FOCAD: variants seen among roughly 807,000 people sequenced by gnomAD.
FOCAD encodes KIAA1797.
Under a neutral mutation model 225.6 loss-of-function variants are expected in FOCAD, and 198 were observed. That is an observed-to-expected ratio of 0.88 (90% CI 0.78 to 0.99). FOCAD has a LOEUF of 0.99. FOCAD is among the 50% of genes least tolerant of loss of function. The pLI is 0.00. For synonymous variants in FOCAD, 897 were observed against 755.0 expected (o/e 1.19, Z -3.08); for missense variants, 2,713 against 2,123.6 (o/e 1.28, Z -5.46).
chr9:20,921,195 C>T lies in FOCAD; in HGVS notation c.2853-2465C>T, dbSNP rs182886385. 1.1e-4 allele frequency among the ~76,000 whole-genome samples: 17 copies of T among 152,226 alleles called. No individual in the cohort carries two copies. In the East Asian group the frequency reaches 2.7e-3, roughly 24 times the overall value. On this transcript the variant is annotated intron_variant, in intron 24 of 43. Coordinates refer to ENST00000338382, the MANE Select transcript of FOCAD (RefSeq NM_001375567.1). Reference sequence around the variant, plus strand: ...CAGATTTAAACCTGAAGATAAAAATCACTGAAGTATTGAGTCACTTTACTA... The same window carrying T: ...CAGATTTAAACCTGAAGATAAAAATTACTGAAGTATTGAGTCACTTTACTA...
rs1294697454 is a variant in FOCAD, at chr9:20,981,371, C to T, written c.4378-55C>T. 27 of 1,580,832 alleles carry T rather than the reference C, an allele frequency of 1.7e-5. No individual in the cohort carries two copies. In the South Asian group the frequency reaches 2.6e-4, roughly 15 times the overall value. On this transcript the variant is annotated intron_variant, in intron 37 of 43. Transcript: ENST00000338382. ...ACAGTGATGATGTACAGGTTTTGAA[C>T]ATTGCAAACCCAGACTTGCCTATTT...
intron 2 of FOCAD, among the ~76,000 whole-genome samples, chr9:20,671,848 G>A (rs1022672976): frequency 4.6e-5 from 7 of 152,148 alleles, no homozygotes; most frequent in African/African-American, 1.2e-4. Flanking sequence ...GAGTGCTGCC[G>A]CTGGCTTGTA....
intron 1 of FOCAD, among the ~76,000 whole-genome samples, chr9:20,700,839 A>G (rs10964665): frequency 0.49 from 74,402 of 152,092 alleles, 18,563 homozygotes; most frequent in Non-Finnish European, 0.52. Flanking sequence ...GCTAAACACA[A>G]TAATTCAGCA....
rs575688523 is a variant in FOCAD at position 20,735,346 on chromosome 9, T to TTTTTTCAAATTG, written c.288-4890_288-4889insTTTTTCAAATTG. On this transcript the variant is annotated intron_variant, in intron 4 of 43. Coordinates refer to ENST00000338382, the MANE Select transcript of FOCAD (RefSeq NM_001375567.1). ...TTTTTTACATTTTTTCTCCATAAAT[T>TTTTTTCAAATTG]CTTTCAAAGCAATTGCTTTAATCTT... Among the ~76,000 whole-genome samples, 779 of 152,338 alleles carry TTTTTTCAAATTG rather than the reference T, an allele frequency of 5.1e-3. 4 individuals carry two copies. The highest frequency in any genetic ancestry group is 7.2e-3 in the Non-Finnish European group (489 of 68,034).
chr9:20,785,118 C>A (rs541651227), intron 10 of FOCAD, among the ~76,000 whole-genome samples: 1 of 152,160 alleles, frequency 6.6e-6, no homozygotes, highest in African/African-American at 2.4e-5. Context: ...TTATCTCACA[C>A]TCTTTGAAGT....
chr9:20,932,753 A>G lies in FOCAD; in HGVS notation c.3318-261A>G, dbSNP rs187733197. ...TGGCTTAAAATTTGAACAGGCTAAGAAAAATCAAAAATAGGAGATTTTGTG... is the reference window on the plus strand; with the variant it reads ...TGGCTTAAAATTTGAACAGGCTAAGGAAAATCAAAAATAGGAGATTTTGTG... On this transcript the variant is annotated intron_variant, in intron 27 of 43. Coordinates refer to ENST00000338382, the MANE Select transcript of FOCAD (RefSeq NM_001375567.1). 2.4e-3 allele frequency among the ~76,000 whole-genome samples: 364 copies of G among 152,326 alleles called. 1 individual carries two copies. The highest frequency in any genetic ancestry group is 2.7e-3 in the Non-Finnish European group (181 of 68,034).
chr9:20,799,690 C>G (rs557326704), intron 11 of FOCAD, among the ~76,000 whole-genome samples: 3 of 151,554 alleles, frequency 2.0e-5, no homozygotes, highest in African/African-American at 4.8e-5. Flanking sequence ...TTTTGTTTTC[C>G]ATTTGCTTGG....
In FOCAD at chr9:20,866,917, T is replaced by TTAAC; in HGVS notation, c.2107-12_2107-11insTAAC. 2 of 764,970 alleles carry TTAAC rather than the reference T, an allele frequency of 2.6e-6. No homozygotes were observed. The highest frequency in any genetic ancestry group is 4.0e-6 in the Non-Finnish European group (2 of 498,466). 47.4% of individuals were successfully genotyped at this position (764,970 alleles called of 1,614,324 possible). ...TTTTTTTTTTTTTTTTTTTTTTTTTTACCCTATCTAGGACCCAATTGTAGC... is the reference window on the plus strand; with the variant it reads ...TTTTTTTTTTTTTTTTTTTTTTTTTTTAACACCCTATCTAGGACCCAATTGTAGC... On this transcript the variant is annotated splice_polypyrimidine_tract_variant and intron_variant, in intron 17 of 43. Coordinates refer to ENST00000338382, the MANE Select transcript of FOCAD (RefSeq NM_001375567.1).
At chr9:20,711,391 T>A (rs1169653051) in intron 1 of FOCAD, among the ~76,000 whole-genome samples, 1 of 152,202 alleles carries the variant, frequency 6.6e-6, no homozygotes, top group Non-Finnish European at 1.5e-5. Flanking sequence ...GATTTGCATT[T>A]AATCCAACAA....
At chr9:20,674,695 T>C (rs896159791) in intron 2 of FOCAD, among the ~76,000 whole-genome samples, 4 of 152,246 alleles carry the variant, frequency 2.6e-5, no homozygotes, top group Non-Finnish European at 2.9e-5. Flanking sequence ...TCTTTGAATG[T>C]CTGGAGGACG....
At position 20,907,208 on chromosome 9, in the gene FOCAD, C is replaced by T; in HGVS notation, c.2684C>T (p.Ala895Val). The T allele has an allele frequency of 6.2e-7, 1 of 1,613,242 alleles. No homozygotes were observed. The highest frequency in any genetic ancestry group is 8.5e-7 in the Non-Finnish European group (1 of 1,179,514). Residue 895 changes from alanine (A) to valine (V), a missense_variant, in exon 22 of 44, where the codon GCA becomes GTA. Ala to Val is a moderately conservative substitution (Grantham distance 64). Coordinates refer to ENST00000338382, the MANE Select transcript of FOCAD (RefSeq NM_001375567.1). Reference protein sequence around the residue: ...RAIFLPQAWLAYMNRAYHAIL... With the variant: ...RAIFLPQAWLVYMNRAYHAIL... ...ATTTTTCTTCCACAGGCCTGGCTTGCATACATGAATCGAGCTTATCATGCC... is the reference window on the plus strand; with the variant it reads ...ATTTTTCTTCCACAGGCCTGGCTTGTATACATGAATCGAGCTTATCATGCC...
chr9:20,783,473 CTT>C (rs1272668244), intron 10 of FOCAD, among the ~76,000 whole-genome samples: 2 of 151,958 alleles, frequency 1.3e-5, no homozygotes, highest in African/African-American at 2.4e-5. Context: ...CTTCCTGAAT[CTT>C]TGCTTCTGCA....
chr9:20,726,674 A>G (rs374630297), intron 4 of FOCAD, among the ~76,000 whole-genome samples: 2 of 152,118 alleles, frequency 1.3e-5, no homozygotes, highest in African/African-American at 4.8e-5. Flanking sequence ...GGGCTGATGA[A>G]GGTTCAGTGG....
intron 19 of FOCAD, among the ~76,000 whole-genome samples, chr9:20,879,909 A>G (rs1830528206): frequency 6.6e-6 from 1 of 152,186 alleles, no homozygotes; most frequent in African/African-American, 2.4e-5. Flanking sequence ...TTGCCCCTTG[A>G]CATGTTTCAC....
chr9:20,961,105 T>G (rs1181666121), intron 35 of FOCAD, among the ~76,000 whole-genome samples: 1 of 151,884 alleles, frequency 6.6e-6, no homozygotes, highest in Non-Finnish European at 1.5e-5. Flanking sequence ...TCTATGTTTT[T>G]TATTAGGCGT....
chr9:20,918,677 T>A (rs1178602253), intron 24 of FOCAD, among the ~76,000 whole-genome samples: 3 of 143,202 alleles, frequency 2.1e-5, no homozygotes, highest in Non-Finnish European at 4.5e-5. Context: ...TGAGCAGAGA[T>A]CCCGCCACTG....
chr9:20,875,049 C>A, intron 19 of FOCAD: 1 of 445,462 alleles, frequency 2.2e-6, no homozygotes, highest in South Asian at 3.0e-5. Flanking sequence ...CAATTGTGTT[C>A]ACTGATAATT....
rs533478323 is a variant in FOCAD at position 20,993,922 on chromosome 9, A to T, written c.5332+594A>T. 2.0e-5 allele frequency among the ~76,000 whole-genome samples: 3 copies of T among 152,338 alleles called. No homozygotes were observed. The East Asian group carries it at 5.8e-4, about 29-fold the overall frequency. On this transcript the variant is annotated intron_variant, in intron 43 of 43. Coordinates refer to ENST00000338382, the MANE Select transcript of FOCAD (RefSeq NM_001375567.1). Reference sequence around the variant, plus strand: ...AAAATTCAGAAAATTCAGAAAACTAAAAAGCAGCAAAGAGAAATCCAGAGT... The same window carrying T: ...AAAATTCAGAAAATTCAGAAAACTATAAAGCAGCAAAGAGAAATCCAGAGT...
chr9:20,912,741 A>T, intron 22 of FOCAD, 125 bp from the exon 23 acceptor site: 1 of 664,128 alleles, frequency 1.5e-6, no homozygotes, highest in Non-Finnish European at 2.6e-6. Context: ...CTCTTTCATA[A>T]TCTAATGTCT....
Sources: gnomAD v4.1 joint callset for allele counts (sites outside exome capture counted in the v4.1 genomes callset) on GRCh38, gnomAD v4.1.1 for gene constraint, MANE v1.5 for transcripts, NCBI Gene and HGNC (gene_info 2026-07-23, HGNC 2026-07-21) for gene names.